NAT9: variants seen among roughly 807,000 people sequenced by gnomAD.
NAT9 encodes N-acetyltransferase 9.
Under a neutral mutation model 24.0 loss-of-function variants are expected in NAT9, and 18 were observed. That is an observed-to-expected ratio of 0.75 (90% CI 0.52 to 1.11). The LOEUF is 1.11. NAT9 is among the 50% of genes most tolerant of loss of function. NAT9 has a pLI of 0.00. For synonymous variants in NAT9, 104 were observed against 102.3 expected, an observed-to-expected ratio of 1.02 and a Z score of -0.10; for missense variants, 254 against 258.6, an observed-to-expected ratio of 0.98 and a Z score of 0.12.
chr17:74,773,680 T>C lies in NAT9; in HGVS notation c.86A>G (p.His29Arg), dbSNP rs1271416997. 6.2e-7 allele frequency: 1 copy of C among 1,613,828 alleles called. No homozygotes were observed. The highest frequency in any genetic ancestry group is 8.5e-7 in the Non-Finnish European group (1 of 1,179,936). ...CAGCTCCTCTGATTTCATCCACTCG[T>C]GGTACCTGCTGGGACAGAGGGGTGG... ...YTSEHVPSRY[H>R]EWMKSEELQR... is the part of the protein sequence containing the mutation. The change falls in exon 3 of 7, where the codon CAC becomes CGC. Residue 29 changes from histidine to arginine, a missense_variant. By Grantham distance (29) the His-to-Arg change is conservative (BLOSUM62 0). Transcript: ENST00000357814.
rs539230012 is a variant in NAT9 at position 74,773,488 on chromosome 17, G to A, written c.190+88C>T. 8.1e-5 allele frequency: 94 copies of A among 1,167,278 alleles called. No individual in the cohort carries two copies. The African/African-American group carries it at 1.3e-3, about 16-fold the overall frequency. 72.3% of individuals were successfully genotyped at this position (1,167,278 alleles called of 1,614,324 possible). ...CTTTTCACAAAGCTTCTATGGCCGGGGCTGGGAAAGGGAAGGAACCTGGAG... is the reference window on the plus strand; with the variant it reads ...CTTTTCACAAAGCTTCTATGGCCGGAGCTGGGAAAGGGAAGGAACCTGGAG... On this transcript the variant is annotated intron_variant, in intron 3 of 6. Transcript: ENST00000357814.
chr17:74,773,954 T>G (rs183464026), intron 2 of NAT9: 10 of 340,272 alleles, frequency 2.9e-5, no homozygotes, highest in African/African-American at 1.2e-4. Flanking sequence ...AACCAAACAT[T>G]CTTCAAATTC....
Position 74,771,503 on chromosome 17 carries a change from G to C in NAT9, c.*221C>G, listed in dbSNP as rs1416999093. The C allele has an allele frequency of 1.2e-5, 8 of 671,626 alleles. No individual in the cohort carries two copies. Among genetic ancestry groups the C allele is most frequent in the Non-Finnish European group, 2.0e-5 (8 of 406,890 alleles). The allele number at this position is 671,626 out of a possible 1,614,324, so 41.6% of individuals were successfully genotyped here. On this transcript the variant is annotated 3_prime_UTR_variant, in exon 7 of 7. Coordinates refer to ENST00000357814, the MANE Select transcript of NAT9 (RefSeq NM_015654.5). ...CTTCCTAGAGTCTGGGTCTGGGTTTGGCCGGGAGGGGAGAAGGGAACTGGC... is the reference window on the plus strand; with the variant it reads ...CTTCCTAGAGTCTGGGTCTGGGTTTCGCCGGGAGGGGAGAAGGGAACTGGC...
At position 74,770,873 on chromosome 17, in the gene NAT9, CA is replaced by C. The variant is rs1021477280; in HGVS notation, c.*850del. The C allele has an allele frequency of 2.6e-5, 4 of 152,212 alleles. No individual in the cohort carries two copies. The highest frequency in any genetic ancestry group is 1.3e-4 in the Admixed American group (2 of 15,280). 9.4% of individuals were successfully genotyped at this position (152,212 alleles called of 1,614,324 possible). A position where few individuals can be genotyped will look rare whatever the true frequency, so the allele number is the denominator to read the frequency against. On this transcript the variant is annotated 3_prime_UTR_variant, in exon 7 of 7. Coordinates refer to ENST00000357814, the MANE Select transcript of NAT9 (RefSeq NM_015654.5). ...GCCATAGGGTGCCAGGTAGCCCGGC[CA>C]CCCTGAGCCTGTGCCTCCACTGCCC...
In NAT9 at chr17:74,775,563, G is replaced by A. The variant is rs185432098; in HGVS notation, c.77+59C>T. ...TAGGGGAAATAGCCCTGAGACTGGGGCTGTACCTTACACAGCTCTGGGTGC... is the reference window on the plus strand; with the variant it reads ...TAGGGGAAATAGCCCTGAGACTGGGACTGTACCTTACACAGCTCTGGGTGC... On this transcript the variant is annotated intron_variant, in intron 2 of 6. Transcript: ENST00000357814. 5.6e-6 allele frequency: 8 copies of A among 1,430,202 alleles called. No individual in the cohort carries two copies. The Admixed American group carries it at 6.9e-5, about 12-fold the overall frequency. The allele number at this position is 1,430,202 out of a possible 1,614,324, so 88.6% of individuals were successfully genotyped here. A position where few individuals can be genotyped will look rare whatever the true frequency, so the allele number is the denominator to read the frequency against.
At position 74,771,448 on chromosome 17, in the gene NAT9, T is replaced by A; in HGVS notation, c.*276A>T. On this transcript the variant is annotated 3_prime_UTR_variant, in exon 7 of 7. Transcript: ENST00000357814. ...TCCAGCTCCCACCTTCATCCCGACA[T>A]CTCCCATGGATCCCTGCCCTCCATT... 1 of 521,582 alleles carries A rather than the reference T, an allele frequency of 1.9e-6. No homozygotes were observed. The highest frequency in any genetic ancestry group is 3.4e-6 in the Non-Finnish European group (1 of 290,714). 32.3% of individuals were successfully genotyped at this position (521,582 alleles called of 1,614,324 possible).
intron 6 of NAT9, 51 bp from the exon 7 acceptor site, chr17:74,771,909 C>T: frequency 1.2e-6 from 2 of 1,614,220 alleles, no homozygotes; most frequent in Non-Finnish European, 1.7e-6. Flanking sequence ...ATTACCACCA[C>T]CAGGCCCACC....
At chr17:74,773,235 C>T in intron 3 of NAT9, 196 bp from the exon 4 acceptor site, 1 of 670,654 alleles carries the variant, frequency 1.5e-6, no homozygotes, top group Non-Finnish European at 2.5e-6. Flanking sequence ...CTCCAACCAG[C>T]AACCAAATTC....
intron 4 of NAT9, 65 bp downstream of exon 4, chr17:74,772,822 TGCAGCCTCG>T: frequency 6.3e-7 from 1 of 1,592,634 alleles, no homozygotes; most frequent in Non-Finnish European, 8.6e-7. Flanking sequence ...GCCCACCCTT[TGCAGCCTCG>T]GCAGGCTCAG....
chr17:74,772,291 CAGG>C lies in NAT9; in HGVS notation c.335-17_335-15del. 1 of 1,613,686 alleles carries C rather than the reference CAGG, an allele frequency of 6.2e-7. No individual in the cohort carries two copies. Among genetic ancestry groups the C allele is most frequent in the Non-Finnish European group, 8.5e-7 (1 of 1,179,994 alleles). ...TGCAGCTGGGCTCTAGGAGAGACAA[CAGG>C]AGCGGCGCTGACGCCGTGTGCCAGG... On this transcript the variant is annotated splice_polypyrimidine_tract_variant and intron_variant, in intron 4 of 6. Coordinates refer to ENST00000357814, the MANE Select transcript of NAT9 (RefSeq NM_015654.5).
intron 4 of NAT9, chr17:74,772,483 C>T (rs9898841): frequency 0.037 from 53,271 of 1,431,280 alleles, 1,142 homozygotes; most frequent in Middle Eastern, 0.065. Flanking sequence ...ACCTCTTTAC[C>T]TCATGGAGTC....
intron 1 of NAT9, 157 bp from the exon 2 acceptor site, chr17:74,775,864 G>A: frequency 1.8e-6 from 1 of 563,086 alleles, no homozygotes; most frequent in Non-Finnish European, 3.2e-6. Flanking sequence ...TTGCAAGAAA[G>A]AGAACCAGGC....
At chr17:74,772,396 C>A in intron 4 of NAT9, 119 bp from the exon 5 acceptor site, 2 of 1,462,194 alleles carry the variant, frequency 1.4e-6, no homozygotes, top group South Asian at 1.3e-5. Context: ...CATTACCATT[C>A]TGCAGACGAG....
Position 74,771,490 on chromosome 17 carries a change from T to G in NAT9, c.*234A>C. 1.6e-6 allele frequency: 1 copy of G among 619,260 alleles called. No individual in the cohort carries two copies. The highest frequency in any genetic ancestry group is 3.0e-5 in the Admixed American group (1 of 33,318). The allele number at this position is 619,260 out of a possible 1,614,324, so 38.4% of individuals were successfully genotyped here. On this transcript the variant is annotated 3_prime_UTR_variant, in exon 7 of 7. Transcript: ENST00000357814. ...CCCTCCATTCCAGCTTCCTAGAGTC[T>G]GGGTCTGGGTTTGGCCGGGAGGGGA...
At position 74,771,184 on chromosome 17, in the gene NAT9, T is replaced by G. The variant is rs2035170150; in HGVS notation, c.*540A>C. On this transcript the variant is annotated 3_prime_UTR_variant, in exon 7 of 7. Transcript: ENST00000357814. Reference sequence around the variant, plus strand: ...GGCCACACTCACTCTGGACCACCTGTTGTTCCCGGGTCAAGTTCCCAGGGT... The same window carrying G: ...GGCCACACTCACTCTGGACCACCTGGTGTTCCCGGGTCAAGTTCCCAGGGT... 1 of 169,798 alleles carries G rather than the reference T, an allele frequency of 5.9e-6. No individual in the cohort carries two copies. The highest frequency in any genetic ancestry group is 1.3e-5 in the Non-Finnish European group (1 of 76,608). 10.5% of individuals were successfully genotyped at this position (169,798 alleles called of 1,614,324 possible). A position where few individuals can be genotyped will look rare whatever the true frequency, so the allele number is the denominator to read the frequency against.
At chr17:74,776,042 C>A (rs2036018283) in intron 1 of NAT9, 1 of 210,984 alleles carries the variant, frequency 4.7e-6, no homozygotes. Context: ...TTGCCCCAGT[C>A]CAGGGATTCC....
chr17:74,773,415 G>T lies in NAT9; in HGVS notation c.190+161C>A, dbSNP rs139936898. On this transcript the variant is annotated intron_variant, in intron 3 of 6. Coordinates refer to ENST00000357814, the MANE Select transcript of NAT9 (RefSeq NM_015654.5). ...AGAGGACAGAAGGGTCAGCCACAGG[G>T]ACTGGCTTCAGGGCCATGAGAATAC... 290 of 636,028 alleles carry T rather than the reference G, an allele frequency of 4.6e-4. No individual in the cohort carries two copies. In the African/African-American group the frequency reaches 4.8e-3, roughly 11 times the overall value. The allele number at this position is 636,028 out of a possible 1,614,324, so 39.4% of individuals were successfully genotyped here.
chr17:74,773,933 G>A, intron 2 of NAT9: 1 of 420,808 alleles, frequency 2.4e-6, no homozygotes, highest in South Asian at 2.7e-5. Flanking sequence ...CAGTGCGGAG[G>A]AGCAGTCTGA....
At chr17:74,772,343 C>T (rs766972151) in intron 4 of NAT9, 66 bp from the exon 5 acceptor site, 6 of 1,585,816 alleles carry the variant, frequency 3.8e-6, no homozygotes, top group Admixed American at 1.7e-5. Context: ...ACTTGGCAGA[C>T]ACCATCTCAT....
Sources: allele counts gnomAD v4.1 joint callset, GRCh38; gene constraint gnomAD v4.1.1; transcripts MANE v1.5; gene names NCBI Gene and HGNC (gene_info 2026-07-23, HGNC 2026-07-21).